CAMK2A: variants seen among roughly 807,000 people sequenced by gnomAD.
CAMK2A encodes the protein calcium/calmodulin dependent protein kinase II alpha.
A neutral mutation model predicts 79.2 loss-of-function variants in CAMK2A; 7 were observed. The observed-to-expected ratio is 0.09, with a 90% CI of 0.05 to 0.17. The LOEUF (loss-of-function observed/expected upper bound fraction) is 0.17. Ranked by LOEUF, CAMK2A falls within the 10% of genes least tolerant of loss-of-function variation. The pLI, the probability that CAMK2A is intolerant of heterozygous loss-of-function variation, is 1.00. For missense variants in CAMK2A, 214 were observed against 646.4 expected (o/e 0.33, Z 7.25); for synonymous variants, 242 against 251.7 (o/e 0.96, Z 0.36).
intron 1 of CAMK2A, among the ~76,000 whole-genome samples, chr5:150,274,641 C>T (rs1756878992): frequency 6.6e-6 from 1 of 152,220 alleles, no homozygotes; most frequent in Non-Finnish European, 1.5e-5. Flanking sequence ...TCTAAATGTC[C>T]ATGGAAATCA....
At chr5:150,239,048 A>G (rs1199125503) in intron 14 of CAMK2A, among the ~76,000 whole-genome samples, 1 of 152,260 alleles carries the variant, frequency 6.6e-6, no homozygotes, top group Admixed American at 6.5e-5. Flanking sequence ...AGGGGTGTGG[A>G]GGAGCAGAGA....
intron 10 of CAMK2A, 47 bp downstream of exon 10, chr5:150,250,641 G>T (rs748115604): frequency 6.2e-7 from 1 of 1,609,152 alleles, no homozygotes; most frequent in Non-Finnish European, 8.5e-7. Flanking sequence ...CCTGGATCAT[G>T]AGGTCTGGAG....
intron 9 of CAMK2A, 82 bp from the exon 10 acceptor site, chr5:150,250,892 G>A: frequency 6.6e-7 from 1 of 1,505,538 alleles, no homozygotes; most frequent in Non-Finnish European, 9.1e-7. Context: ...TGGCAGGGGA[G>A]CAGGCAGGGG....
At chr5:150,263,903 C>CG (rs2150293496) in intron 3 of CAMK2A, among the ~76,000 whole-genome samples, 1 of 152,290 alleles carries the variant, frequency 6.6e-6, no homozygotes, top group Admixed American at 6.5e-5. Flanking sequence ...ATGCTGGTCC[C>CG]GGAGCCTCTG....
chr5:150,225,077 TGAGA>T (rs1222337675), intron 17 of CAMK2A, among the ~76,000 whole-genome samples: 1 of 89,198 alleles, frequency 1.1e-5, no homozygotes, highest in Non-Finnish European at 2.3e-5. Context: ...AGAGAGAAAG[TGAGA>T]GAGAGAGAGA....
intron 2 of CAMK2A, among the ~76,000 whole-genome samples, chr5:150,269,790 G>C (rs1489490939): frequency 6.6e-6 from 1 of 152,188 alleles, no homozygotes; most frequent in Non-Finnish European, 1.5e-5. Context: ...GCCTGATCCT[G>C]GGAGCAAGAG....
At chr5:150,261,915 A>T (rs1210938618) in intron 3 of CAMK2A, among the ~76,000 whole-genome samples, 1 of 152,176 alleles carries the variant, frequency 6.6e-6, no homozygotes, top group African/African-American at 2.4e-5. Context: ...ATAAATGGAG[A>T]TATTGTCAAC....
intron 3 of CAMK2A, among the ~76,000 whole-genome samples, chr5:150,264,471 C>T (rs1756422461): frequency 6.6e-6 from 1 of 152,240 alleles, no homozygotes; most frequent in Non-Finnish European, 1.5e-5. Context: ...TGGCTCTGTC[C>T]CAGCCTGCCA....
At chr5:150,222,846 G>T (rs1754385613) in intron 18 of CAMK2A, 133 bp from the exon 19 acceptor site, 17 of 1,388,962 alleles carry the variant, frequency 1.2e-5, no homozygotes, top group Non-Finnish European at 1.4e-5. Context: ...AGACCTGCAG[G>T]CCTGGCCCCC....
At position 150,219,921 on chromosome 5, in the gene CAMK2A, C is replaced by T. The variant is rs1023550543; in HGVS notation, c.*2789G>A. On this transcript the variant is annotated 3_prime_UTR_variant, in exon 19 of 19. Coordinates refer to ENST00000671881, the MANE Select transcript of CAMK2A (RefSeq NM_015981.4). ...GCATCTAAAGGATGTTTTGGAGGAG[C>T]ACAGAGTTTGTCTGGTGAGGGTAGG... 2.0e-5 allele frequency: 3 copies of T among 152,342 alleles called. No homozygotes were observed. Among genetic ancestry groups the T allele is most frequent in the African/African-American group, 7.3e-5 (3 of 41,350 alleles). The allele number at this position is 152,342 out of a possible 1,614,324, so 9.4% of individuals were successfully genotyped here.
At chr5:150,262,844 C>T (rs10040271) in intron 3 of CAMK2A, among the ~76,000 whole-genome samples, 1,818 of 152,264 alleles carry the variant, frequency 0.012, 44 homozygotes, top group African/African-American at 0.042. Flanking sequence ...ACTTAGTTAA[C>T]GGCAGAGCTG....
chr5:150,246,113 T>A (rs1157439711), intron 12 of CAMK2A, among the ~76,000 whole-genome samples: 1 of 151,628 alleles, frequency 6.6e-6, no homozygotes, highest in East Asian at 1.9e-4. Flanking sequence ...AGAGGGGGAG[T>A]TGGGAGGAGG....
chr5:150,269,003 T>C (rs1756627721), intron 2 of CAMK2A, among the ~76,000 whole-genome samples: 1 of 151,988 alleles, frequency 6.6e-6, no homozygotes. Context: ...TGGCCTCAAG[T>C]GATCCTCCCA....
chr5:150,262,558 A>T (rs747517814), intron 3 of CAMK2A, among the ~76,000 whole-genome samples: 2 of 151,968 alleles, frequency 1.3e-5, no homozygotes, highest in Non-Finnish European at 2.9e-5. Context: ...TCTCCTGCAC[A>T]TTCTCAGTGC....
chr5:150,265,022 C>T lies in CAMK2A; in HGVS notation c.158-7G>A. 6.2e-7 allele frequency: 1 copy of T among 1,611,330 alleles called. No individual in the cohort carries two copies. Among genetic ancestry groups the T allele is most frequent in the African/African-American group, 1.3e-5 (1 of 74,974 alleles). On this transcript the variant is annotated splice_region_variant and splice_polypyrimidine_tract_variant and intron_variant, in intron 2 of 18. Coordinates refer to ENST00000671881, the MANE Select transcript of CAMK2A (RefSeq NM_015981.4). ...CGCTCCAGCTTCTGATGGTCTGAAACACAGAGGCTCATGTGAGTCCCCGGT... is the reference window on the plus strand; with the variant it reads ...CGCTCCAGCTTCTGATGGTCTGAAATACAGAGGCTCATGTGAGTCCCCGGT...
chr5:150,247,033 G>A (rs1257306565), intron 12 of CAMK2A, among the ~76,000 whole-genome samples: 2 of 152,244 alleles, frequency 1.3e-5, no homozygotes, highest in East Asian at 3.8e-4. Flanking sequence ...CCTCTCTGAT[G>A]TGCCAAGAGG....
intron 6 of CAMK2A, among the ~76,000 whole-genome samples, chr5:150,254,102 C>G (rs943124535): frequency 1.3e-5 from 2 of 152,182 alleles, no homozygotes; most frequent in African/African-American, 4.8e-5. Context: ...GGCCCCTTTA[C>G]TTTGTCCAGC....
chr5:150,273,058 C>T lies in CAMK2A; in HGVS notation c.157+7G>A. ...GAGGGTGGGCAGGGTAGAAATCAGG[C>T]ACCTACCTCTGGCTGACAGCTTCTT... On this transcript the variant is annotated splice_region_variant and intron_variant, in intron 2 of 18. Coordinates refer to ENST00000671881, the MANE Select transcript of CAMK2A (RefSeq NM_015981.4). 1 of 1,611,176 alleles carries T rather than the reference C, an allele frequency of 6.2e-7. No homozygotes were observed. The highest frequency in any genetic ancestry group is 8.5e-7 in the Non-Finnish European group (1 of 1,177,578).
At chr5:150,254,339 T>C (rs1265652435) in intron 6 of CAMK2A, among the ~76,000 whole-genome samples, 1 of 152,168 alleles carries the variant, frequency 6.6e-6, no homozygotes, top group African/African-American at 2.4e-5. Flanking sequence ...AGCACCTAGG[T>C]TGGGGGGCCA....
Sources: allele counts gnomAD v4.1 joint callset (sites outside exome capture counted in the v4.1 genomes callset), GRCh38; gene constraint gnomAD v4.1.1; transcripts MANE v1.5; gene names NCBI Gene and HGNC (gene_info 2026-07-23, HGNC 2026-07-21).